Variants in HPSE2 observed in about 807,000 individuals in gnomAD.
HPSE2 encodes the protein inactive heparanase-2.
HPSE2 carries 38 observed loss-of-function variants against 60.5 expected under a neutral mutation model. The observed-to-expected ratio is 0.63, with a 90% CI of 0.48 to 0.82. The LOEUF is 0.82. Among genes scored for constraint, HPSE2 ranks in the 40% least tolerant of loss-of-function variants. The pLI, the probability that HPSE2 is intolerant of heterozygous loss-of-function variation, is 0.00. For synonymous variants in HPSE2, 295 were observed against 293.2 expected (o/e 1.01, Z -0.06); for missense variants, 713 against 740.4 (o/e 0.96, Z 0.43).
At chr10:99,276,183 C>T in the HPSE2 span, among the ~76,000 whole-genome samples, 2 of 152,106 alleles carry the variant, frequency 1.3e-5, no homozygotes, top group Non-Finnish European at 2.9e-5. Context: ...ATACAATATT[C>T]GTTGGAACAA....
At chr10:99,235,125 CACAT>C (rs1427796577) in intron 1 of HPSE2, among the ~76,000 whole-genome samples, 2 of 151,516 alleles carry the variant, frequency 1.3e-5, no homozygotes, top group African/African-American at 2.4e-5. Flanking sequence ...CACACACACA[CACAT>C]ACCCATTCCT....
chr10:98,791,584 G>A (rs541009357), intron 3 of HPSE2, among the ~76,000 whole-genome samples: 5 of 152,246 alleles, frequency 3.3e-5, no homozygotes, highest in South Asian at 2.1e-4. Context: ...CCTCTTAAAC[G>A]GCAATTGCCT....
chr10:99,315,648 G>T, the HPSE2 span, among the ~76,000 whole-genome samples: 3 of 152,198 alleles, frequency 2.0e-5, no homozygotes, highest in East Asian at 5.8e-4. Flanking sequence ...AGCCAGCGAT[G>T]TGGTTATTTC....
chr10:98,509,374 T>C (rs751698794), intron 9 of HPSE2, among the ~76,000 whole-genome samples: 1 of 152,046 alleles, frequency 6.6e-6, no homozygotes, highest in Admixed American at 6.5e-5. Flanking sequence ...TGAAAGATGA[T>C]AGTTTTGATT....
intron 2 of HPSE2, among the ~76,000 whole-genome samples, chr10:99,197,681 T>C (rs573454891): frequency 6.6e-6 from 1 of 152,250 alleles, no homozygotes; most frequent in East Asian, 1.9e-4. Flanking sequence ...ATGAGTCTGA[T>C]GAAGATAAAC....
At chr10:98,977,656 G>T (rs1956115372) in intron 3 of HPSE2, among the ~76,000 whole-genome samples, 1 of 151,994 alleles carries the variant, frequency 6.6e-6, no homozygotes, top group African/African-American at 2.4e-5. Flanking sequence ...AATAACAGGG[G>T]TGATATAAAC....
chr10:99,137,944 G>A (rs1009664522), intron 3 of HPSE2, among the ~76,000 whole-genome samples: 2 of 152,180 alleles, frequency 1.3e-5, no homozygotes, highest in Non-Finnish European at 2.9e-5. Flanking sequence ...TATTATCAAA[G>A]TGAACAGGCA....
chr10:99,267,787 A>AC, the HPSE2 span, among the ~76,000 whole-genome samples: 4 of 151,556 alleles, frequency 2.6e-5, no homozygotes, highest in Non-Finnish European at 5.9e-5. Context: ...CAAAAAAAAA[A>AC]AACAAAAAAC....
chr10:99,174,245 T>A (rs1224545172), intron 2 of HPSE2, among the ~76,000 whole-genome samples: 1 of 152,240 alleles, frequency 6.6e-6, no homozygotes, highest in Non-Finnish European at 1.5e-5. Flanking sequence ...CAGACCTTAT[T>A]AGTTCTGACA....
At chr10:99,216,352 G>A (rs938770252) in intron 2 of HPSE2, among the ~76,000 whole-genome samples, 2 of 151,984 alleles carry the variant, frequency 1.3e-5, no homozygotes, top group African/African-American at 4.8e-5. Flanking sequence ...CTGCCACCAT[G>A]CCCTGCTAAT....
chr10:98,617,575 C>T (rs138051523), intron 8 of HPSE2, among the ~76,000 whole-genome samples: 1 of 152,256 alleles, frequency 6.6e-6, no homozygotes, highest in Non-Finnish European at 1.5e-5. Context: ...TACTGCTTTC[C>T]CATGGCTTTA....
At chr10:99,057,224 C>A (rs916085474) in intron 3 of HPSE2, among the ~76,000 whole-genome samples, 1 of 152,102 alleles carries the variant, frequency 6.6e-6, no homozygotes, top group African/African-American at 2.4e-5. Context: ...TTTAAAGTTA[C>A]AATATGGGAA....
chr10:98,561,316 C>T (rs1245704085), intron 9 of HPSE2, among the ~76,000 whole-genome samples: 1 of 151,736 alleles, frequency 6.6e-6, no homozygotes, highest in Non-Finnish European at 1.5e-5. Context: ...TGATCTTGTC[C>T]CCTTGTAGGC....
In HPSE2 at chr10:98,931,751, C is replaced by T. The variant is rs1327725190; in HGVS notation, c.611-187695G>A. 4.2e-5 allele frequency among the ~76,000 whole-genome samples: 6 copies of T among 142,578 alleles called. 1 individual carries two copies. Among genetic ancestry groups the T allele is most frequent in the African/African-American group, 1.4e-4 (5 of 34,864 alleles). The allele number at this position is 142,578 out of a possible 152,430, so 93.5% of individuals were successfully genotyped here. ...ACAATTGTGAATGGGAGTTCATTCACGATTTTGATTTCTGCTTGTCTGTTG... is the reference window on the plus strand; with the variant it reads ...ACAATTGTGAATGGGAGTTCATTCATGATTTTGATTTCTGCTTGTCTGTTG... On this transcript the variant is annotated intron_variant, in intron 3 of 11. Transcript: ENST00000370552.
chr10:98,710,743 A>G (rs577265352), intron 5 of HPSE2, among the ~76,000 whole-genome samples: 68 of 152,302 alleles, frequency 4.5e-4, no homozygotes, highest in African/African-American at 1.6e-3. Context: ...TTCAAACCCA[A>G]TTCTGATTCT....
intron 3 of HPSE2, among the ~76,000 whole-genome samples, chr10:99,075,649 T>A (rs1842930446): frequency 6.6e-6 from 1 of 152,182 alleles, no homozygotes. Flanking sequence ...ATTATAGGAT[T>A]GTCATCCACT....
At chr10:98,943,632 C>T (rs1955091238) in intron 3 of HPSE2, among the ~76,000 whole-genome samples, 2 of 152,072 alleles carry the variant, frequency 1.3e-5, no homozygotes, top group Non-Finnish European at 2.9e-5. Flanking sequence ...TTCTCTTTTT[C>T]TCTCTCCCCC....
intron 3 of HPSE2, among the ~76,000 whole-genome samples, chr10:99,121,006 G>GT (rs1408296556): frequency 6.6e-6 from 1 of 152,124 alleles, no homozygotes; most frequent in African/African-American, 2.4e-5. Flanking sequence ...ACATACATGC[G>GT]TATGTTCATT....
intron 3 of HPSE2, among the ~76,000 whole-genome samples, chr10:98,781,536 T>C (rs1272454595): frequency 5.3e-5 from 8 of 152,082 alleles, no homozygotes; most frequent in African/African-American, 1.9e-4. Flanking sequence ...TACACCTAAA[T>C]AGAAAAATTG....
Sources: allele counts gnomAD v4.1 joint callset (sites outside exome capture counted in the v4.1 genomes callset), GRCh38; gene constraint gnomAD v4.1.1; transcripts MANE v1.5; gene names NCBI Gene and HGNC (gene_info 2026-07-23, HGNC 2026-07-21).